The following GALNT10 variants were observed in gnomAD, a reference collection of about 807,000 sequenced individuals.
GALNT10 encodes polypeptide N-acetylgalactosaminyltransferase 10.
GALNT10 carries 41 observed loss-of-function variants against 75.0 expected under a neutral mutation model. The observed-to-expected ratio is 0.55, with a 90% CI of 0.43 to 0.71. GALNT10 has a LOEUF of 0.71. Among genes scored for constraint, GALNT10 ranks in the 30% least tolerant of loss-of-function variants. The pLI is 0.00. For missense variants in GALNT10, 727 were observed against 818.5 expected (o/e 0.89, Z 1.36); for synonymous variants, 302 against 313.0 (o/e 0.96, Z 0.37).
Position 154,376,021 on chromosome 5 carries a change from C to T in GALNT10, c.569-256C>T, listed in dbSNP as rs964287585. On this transcript the variant is annotated intron_variant, in intron 4 of 11. Transcript: ENST00000297107. This position sits in a 1 kb window ranked among gnomAD's most constrained non-coding sequence, Gnocchi z 4.1. Reference sequence around the variant, plus strand: ...GTCAGGCATAAACCACAAATGTTCACACCCTTGGACAGAAGATCTCTCTCT... The same window carrying T: ...GTCAGGCATAAACCACAAATGTTCATACCCTTGGACAGAAGATCTCTCTCT... Among the ~76,000 whole-genome samples the T allele has an allele frequency of 1.3e-5, 2 of 152,350 alleles. No homozygotes were observed. Among genetic ancestry groups the T allele is most frequent in the Non-Finnish European group, 2.9e-5 (2 of 68,038 alleles).
At chr5:154,294,727 A>G in intron 1 of GALNT10, 89 bp from the exon 2 acceptor site, 1 of 702,072 alleles carries the variant, frequency 1.4e-6, no homozygotes. Flanking sequence ...CATTTGGTCA[A>G]TACAAAGCTC....
intron 3 of GALNT10, among the ~76,000 whole-genome samples, chr5:154,312,124 T>C (rs1754530943): frequency 6.6e-6 from 1 of 152,132 alleles, no homozygotes; most frequent in African/African-American, 2.4e-5. Flanking sequence ...GATTTCTAAG[T>C]GGTGTTGGCC....
Position 154,295,374 on chromosome 5 carries a change from A to G in GALNT10, c.262+456A>G, listed in dbSNP as rs186996190. On this transcript the variant is annotated intron_variant, in intron 2 of 11. Coordinates refer to ENST00000297107, the MANE Select transcript of GALNT10 (RefSeq NM_198321.4). ...TCTGTGAAACCTCAGATCAACCTTT[A>G]TGGCCCATTTAATAAGAAGGGGCCT... Among the ~76,000 whole-genome samples the G allele has an allele frequency of 1.7e-3, 253 of 152,208 alleles. 2 individuals are homozygous for G. In the South Asian group the frequency reaches 0.025, roughly 15 times the overall value.
chr5:154,382,170 A>C lies in GALNT10; in HGVS notation c.938+1539A>C, dbSNP rs147498859. On this transcript the variant is annotated intron_variant, in intron 6 of 11. Transcript: ENST00000297107. ...GTGCATACCCAGGGCTCCTGAGAGG[A>C]ACCCCTAACACTATGAGCCCCAGGG... Among the ~76,000 whole-genome samples the C allele has an allele frequency of 6.7e-3, 1,015 of 152,314 alleles. 8 individuals carry two copies. The highest frequency in any genetic ancestry group is 0.01 in the Non-Finnish European group (684 of 68,022).
chr5:154,360,813 T>C (rs1755374432), intron 4 of GALNT10, among the ~76,000 whole-genome samples: 1 of 152,238 alleles, frequency 6.6e-6, no homozygotes, highest in Admixed American at 6.5e-5. Context: ...CAATACTATC[T>C]TGGAGAAAAG....
At chr5:154,253,415 A>C in intron 1 of GALNT10, among the ~76,000 whole-genome samples, 1 of 142,100 alleles carries the variant, frequency 7.0e-6, no homozygotes, top group South Asian at 2.5e-4. Context: ...GGGGGAAGGG[A>C]TAGCATTAGG....
chr5:154,301,918 C>T (rs1243412138), intron 3 of GALNT10, among the ~76,000 whole-genome samples: 1 of 152,144 alleles, frequency 6.6e-6, no homozygotes, highest in African/African-American at 2.4e-5. Context: ...ACCCAGCCAG[C>T]CAGCCAGCAT....
At chr5:154,350,708 C>T (rs1044057820) in intron 4 of GALNT10, among the ~76,000 whole-genome samples, 2 of 152,194 alleles carry the variant, frequency 1.3e-5, no homozygotes, top group Non-Finnish European at 2.9e-5. Flanking sequence ...TGGAACAGAG[C>T]TGGGAAGAGA....
chr5:154,314,913 A>C (rs563731003), intron 3 of GALNT10, among the ~76,000 whole-genome samples: 1 of 152,156 alleles, frequency 6.6e-6, no homozygotes, highest in East Asian at 1.9e-4. Context: ...GAGCATAGAG[A>C]TGGTGAAGTG....
intron 1 of GALNT10, among the ~76,000 whole-genome samples, chr5:154,288,418 G>GTGTGTGTT (rs1754144842): frequency 2.0e-5 from 1 of 51,150 alleles, no homozygotes; most frequent in East Asian, 1.3e-3. Context: ...TTGTGTGTGT[G>GTGTGTGTT]TGTGTGTGTG....
In GALNT10 at chr5:154,376,084, C is replaced by G. The variant is rs1292973349; in HGVS notation, c.569-193C>G. ...GGCACCTTCACTGGACCTCTTTAAGCCTTAATTTCTCCATCTGTAGTACAC... is the reference window on the plus strand; with the variant it reads ...GGCACCTTCACTGGACCTCTTTAAGGCTTAATTTCTCCATCTGTAGTACAC... On this transcript the variant is annotated intron_variant, in intron 4 of 11. Coordinates refer to ENST00000297107, the MANE Select transcript of GALNT10 (RefSeq NM_198321.4). The surrounding 1 kb of genome is among the most constrained non-coding windows in gnomAD (Gnocchi z 4.1). Among the ~76,000 whole-genome samples, 1 of 152,176 alleles carries G rather than the reference C, an allele frequency of 6.6e-6. No homozygotes were observed. The highest frequency in any genetic ancestry group is 6.5e-5 in the Admixed American group (1 of 15,284).
chr5:154,316,501 C>T (rs899765785), intron 3 of GALNT10, among the ~76,000 whole-genome samples: 4 of 152,232 alleles, frequency 2.6e-5, no homozygotes, highest in Admixed American at 2.6e-4. Context: ...ACTAATAACA[C>T]TTCAGTCTGT....
At chr5:154,379,909 G>A (rs562184928) in intron 5 of GALNT10, among the ~76,000 whole-genome samples, 6 of 152,286 alleles carry the variant, frequency 3.9e-5, no homozygotes, top group Non-Finnish European at 8.8e-5. Context: ...AAGGAGGGCC[G>A]TTTGCTCACT....
intron 1 of GALNT10, among the ~76,000 whole-genome samples, 160 bp from the exon 2 acceptor site, chr5:154,294,656 C>T (rs146690826): frequency 7.0e-4 from 106 of 152,306 alleles, no homozygotes; most frequent in Middle Eastern, 3.4e-3. Context: ...CTAGCTGGCA[C>T]ATGGCAAGGC....
intron 1 of GALNT10, among the ~76,000 whole-genome samples, chr5:154,202,977 C>T (rs770009122): frequency 7.9e-5 from 12 of 152,234 alleles, no homozygotes; most frequent in Non-Finnish European, 1.5e-4. Flanking sequence ...CATCCAAGCC[C>T]TGCCAGGGAA....
rs115304966 is a variant in GALNT10 at position 154,210,747 on chromosome 5, A to G, written c.159+19722A>G. On this transcript the variant is annotated intron_variant, in intron 1 of 11. Transcript: ENST00000297107. ...TGGATTAGATCCTGAACCAGAAAAA[A>G]ATAAATTAGACATAAAGGACATTAT... Among the ~76,000 whole-genome samples the G allele has an allele frequency of 6.2e-3, 938 of 152,370 alleles. 7 individuals carry two copies. Among genetic ancestry groups the G allele is most frequent in the Non-Finnish European group, 0.011 (749 of 68,038 alleles).
intron 2 of GALNT10, among the ~76,000 whole-genome samples, chr5:154,295,628 A>G (rs1754261466): frequency 6.6e-6 from 1 of 152,196 alleles, no homozygotes; most frequent in African/African-American, 2.4e-5. Context: ...AAGGTGGTAC[A>G]GAAATTATAT....
chr5:154,225,580 C>A, intron 1 of GALNT10, among the ~76,000 whole-genome samples: 1 of 151,384 alleles, frequency 6.6e-6, no homozygotes, highest in Middle Eastern at 3.2e-3. Context: ...TTATTTTTAT[C>A]TTTTGTTGAG....
intron 3 of GALNT10, among the ~76,000 whole-genome samples, chr5:154,301,045 G>A (rs1754349472): frequency 6.6e-6 from 1 of 152,172 alleles, no homozygotes; most frequent in African/African-American, 2.4e-5. Flanking sequence ...TAGCCCCTTT[G>A]TCTCCCATTG....
Sources: gnomAD v4.1 joint callset for allele counts (sites outside exome capture counted in the v4.1 genomes callset) on GRCh38, gnomAD v4.1.1 for gene constraint, Gnocchi (gnomAD v3.1) non-coding constraint, MANE v1.5 for transcripts, NCBI Gene and HGNC (gene_info 2026-07-23, HGNC 2026-07-21) for gene names.